EPB41L3: variants seen among roughly 807,000 people sequenced by gnomAD.
The protein encoded by EPB41L3 is band 4.1-like protein 3.
A neutral mutation model predicts 127.1 loss-of-function variants in EPB41L3; 57 were observed. The ratio of observed to expected loss-of-function variants is 0.45; its 90% CI spans 0.36 to 0.56. The LOEUF (loss-of-function observed/expected upper bound fraction) is 0.56, where lower values mean the gene tolerates loss of function less well. Among genes scored for constraint, EPB41L3 ranks in the 20% least tolerant of loss-of-function variants. EPB41L3 has a pLI of 0.00. For missense variants in EPB41L3, 1,273 were observed against 1,372.2 expected (o/e 0.93, Z 1.14); for synonymous variants, 572 against 549.5 (o/e 1.04, Z -0.57).
At chr18:5,456,847 A>T (rs534836843) in intron 3 of EPB41L3, among the ~76,000 whole-genome samples, 1 of 152,272 alleles carries the variant, frequency 6.6e-6, no homozygotes, top group East Asian at 1.9e-4. Flanking sequence ...AAGCTGCTGA[A>T]CCCTGCTAAG....
At chr18:5,429,603 T>C (rs1021884394) in intron 8 of EPB41L3, among the ~76,000 whole-genome samples, 5 of 152,154 alleles carry the variant, frequency 3.3e-5, no homozygotes, top group African/African-American at 1.2e-4. Context: ...GAATCAGAAA[T>C]ACATATACTG....
chr18:5,535,187 C>G (rs1201463367), intron 1 of EPB41L3, among the ~76,000 whole-genome samples: 2 of 152,044 alleles, frequency 1.3e-5, no homozygotes, highest in Admixed American at 1.3e-4. Flanking sequence ...AACCATCCCC[C>G]ACAACCCCCG....
intron 1 of EPB41L3, among the ~76,000 whole-genome samples, chr18:5,624,075 TCAC>T (rs2094895965): frequency 6.6e-6 from 1 of 152,158 alleles, no homozygotes; most frequent in Admixed American, 6.5e-5. Context: ...CAATCATAGC[TCAC>T]TGCAGCCTTC....
rs1236457350 is a variant in EPB41L3 at position 5,397,052 on chromosome 18, A to G, written c.2841+6T>C. The G allele has an allele frequency of 3.8e-6, 6 of 1,585,114 alleles. No homozygotes were observed. Among genetic ancestry groups the G allele is most frequent in the Non-Finnish European group, 5.1e-6 (6 of 1,168,054 alleles). ...AGTGATAAAAGTAACATTTACTACT[A>G]GTTACCTCAAAATGAGGTTTTTGTT... On this transcript the variant is annotated splice_donor_region_variant and intron_variant, in intron 18 of 22. Coordinates refer to ENST00000341928, the MANE Select transcript of EPB41L3 (RefSeq NM_012307.5). The surrounding 1 kb of genome is among the most constrained non-coding windows in gnomAD (Gnocchi z 4.1).
At chr18:5,497,150 G>T (rs2091261283) in intron 1 of EPB41L3, among the ~76,000 whole-genome samples, 2 of 152,194 alleles carry the variant, frequency 1.3e-5, no homozygotes, top group African/African-American at 4.8e-5. Context: ...AGGGTAGCTG[G>T]AATGCAGGGG....
At chr18:5,520,689 A>G (rs149385953) in intron 1 of EPB41L3, among the ~76,000 whole-genome samples, 1 of 152,204 alleles carries the variant, frequency 6.6e-6, no homozygotes, top group Non-Finnish European at 1.5e-5. Flanking sequence ...AACTCCTGCT[A>G]TCATGAGGGG....
At chr18:5,444,019 A>G (rs974016486) in intron 4 of EPB41L3, 139 bp from the exon 5 acceptor site, 33 of 668,612 alleles carry the variant, frequency 4.9e-5, no homozygotes, top group Admixed American at 1.1e-4. Flanking sequence ...TCCTTCCCCC[A>G]CATCTGGTGC....
rs938479744 is a variant in EPB41L3, at chr18:5,561,128, C to T, written c.-306+51212G>A. Among the ~76,000 whole-genome samples the T allele has an allele frequency of 1.3e-4, 19 of 150,212 alleles. 2 individuals carry two copies. The highest frequency in any genetic ancestry group is 2.0e-4 in the East Asian group (1 of 5,088). On this transcript the variant is annotated intron_variant, in intron 3 of 21. Coordinates refer to the EPB41L3 transcript ENST00000545076. The stretch of plus-strand genomic sequence containing the variant: ...GAGTAGCTGGGACTACAGGCGCCCG[C>T]CACTACGCCCGGCTAATGTCTTGTA...
chr18:5,399,519 T>C (rs2074140563), intron 16 of EPB41L3: 1 of 397,434 alleles, frequency 2.5e-6, no homozygotes. Flanking sequence ...CATGTTATTA[T>C]CTAATAATTA....
intron 1 of EPB41L3, among the ~76,000 whole-genome samples, chr18:5,525,181 C>T (rs2093172477): frequency 1.3e-5 from 2 of 152,136 alleles, no homozygotes. Flanking sequence ...TTGCTCCAAG[C>T]TGGACCCAAG....
At chr18:5,475,572 G>C (rs2087010531) in intron 3 of EPB41L3, among the ~76,000 whole-genome samples, 1 of 152,210 alleles carries the variant, frequency 6.6e-6, no homozygotes, top group Non-Finnish European at 1.5e-5. Flanking sequence ...GTAACACACT[G>C]TTGGTTCACG....
intron 3 of EPB41L3, among the ~76,000 whole-genome samples, chr18:5,563,508 T>C (rs2149218705): frequency 6.6e-6 from 1 of 152,212 alleles, no homozygotes; most frequent in South Asian, 2.1e-4. Context: ...GCAATAATAG[T>C]AGAGGTGGGA....
chr18:5,528,987 C>A (rs567370135), intron 1 of EPB41L3: 1 of 152,310 alleles, frequency 6.6e-6, no homozygotes, highest in South Asian at 2.1e-4. Flanking sequence ...ACTATTTCTG[C>A]TCATCTGTGA....
At chr18:5,412,104 A>G (rs1239611246) in intron 13 of EPB41L3, among the ~76,000 whole-genome samples, 1 of 152,194 alleles carries the variant, frequency 6.6e-6, no homozygotes, top group Admixed American at 6.5e-5. Context: ...GGGAAAGGCC[A>G]GTTTGAATTA....
At chr18:5,602,031 C>G (rs1469123139) in intron 3 of EPB41L3, among the ~76,000 whole-genome samples, 1 of 152,130 alleles carries the variant, frequency 6.6e-6, no homozygotes, top group African/African-American at 2.4e-5. Flanking sequence ...AAAGATCGGA[C>G]AAATTAAACA....
At chr18:5,561,496 A>G (rs1598983636) in intron 3 of EPB41L3, among the ~76,000 whole-genome samples, 1 of 152,316 alleles carries the variant, frequency 6.6e-6, no homozygotes, top group South Asian at 2.1e-4. Flanking sequence ...AATACCCATG[A>G]GTCCATACTC....
intron 3 of EPB41L3, among the ~76,000 whole-genome samples, chr18:5,457,050 A>G (rs1290257177): frequency 1.3e-5 from 2 of 152,264 alleles, no homozygotes; most frequent in Non-Finnish European, 2.9e-5. Flanking sequence ...TTCTGTGGTT[A>G]CAATCTGTAA....
chr18:5,549,533 T>C (rs181339127), intron 3 of EPB41L3, among the ~76,000 whole-genome samples: 2 of 152,352 alleles, frequency 1.3e-5, no homozygotes, highest in African/African-American at 4.8e-5. Flanking sequence ...ACTGGCTTAT[T>C]TGTGAACAGT....
chr18:5,403,604 A>AC (rs1287656647), intron 16 of EPB41L3, among the ~76,000 whole-genome samples: 4 of 151,320 alleles, frequency 2.6e-5, no homozygotes, highest in South Asian at 2.1e-4. Flanking sequence ...AAAAAAAAAA[A>AC]AACAACAACA....
Sources: allele counts gnomAD v4.1 joint callset (sites outside exome capture counted in the v4.1 genomes callset), GRCh38; gene constraint gnomAD v4.1.1; non-coding constraint Gnocchi (gnomAD v3.1); transcripts MANE v1.5; gene names NCBI Gene and HGNC (gene_info 2026-07-23, HGNC 2026-07-21).